The following PKD2 variants were observed in gnomAD, a reference collection of about 807,000 sequenced individuals.
PKD2 encodes the protein polycystin-2.
Under a neutral mutation model 105.9 loss-of-function variants are expected in PKD2, and 48 were observed. That is an observed-to-expected ratio of 0.45 (90% confidence interval 0.36 to 0.58). The LOEUF (loss-of-function observed/expected upper bound fraction) is 0.58. PKD2 is among the 20% of genes least tolerant of loss of function. The probability of loss-of-function intolerance (pLI) is 0.00; values close to 1 mark genes in which losing one functional copy is unlikely to be tolerated. For missense variants in PKD2, 1,078 were observed against 1,255.3 expected (o/e 0.86, Z 2.13); for synonymous variants, 464 against 481.1 (o/e 0.96, Z 0.46).
At chr4:88,026,179 A>G (rs1406617837) in intron 2 of PKD2, among the ~76,000 whole-genome samples, 1 of 152,206 alleles carries the variant, frequency 6.6e-6, no homozygotes, top group Admixed American at 6.5e-5. Context: ...AAAGTTTGGA[A>G]TTTCCTAGAG....
At chr4:88,038,147 A>G (rs931556963) in intron 3 of PKD2, 104 bp from the exon 4 acceptor site, 11 of 1,172,382 alleles carry the variant, frequency 9.4e-6, no homozygotes, top group East Asian at 2.3e-5. Flanking sequence ...TCACTCTACT[A>G]TTTTCATAGA....
intron 2 of PKD2, among the ~76,000 whole-genome samples, chr4:88,027,933 A>G (rs575216726): frequency 1.3e-5 from 2 of 152,222 alleles, no homozygotes; most frequent in East Asian, 1.9e-4. Context: ...CTCCCCAGCC[A>G]TTCAGAACTG....
At chr4:88,022,305 G>T (rs1011368684) in intron 2 of PKD2, among the ~76,000 whole-genome samples, 2 of 152,154 alleles carry the variant, frequency 1.3e-5, no homozygotes, top group East Asian at 3.9e-4. Context: ...CACAGTATCA[G>T]CAGAGTTATT....
intron 2 of PKD2, among the ~76,000 whole-genome samples, chr4:88,030,715 T>C (rs1727116476): frequency 6.6e-6 from 1 of 152,202 alleles, no homozygotes; most frequent in African/African-American, 2.4e-5. Context: ...CGGGCCCACC[T>C]CTTCACACAG....
chr4:88,007,646 G>A lies in PKD2; in HGVS notation c.-88G>A. 1.1e-6 allele frequency: 1 copy of A among 877,736 alleles called. No individual in the cohort carries two copies. Among genetic ancestry groups the A allele is most frequent in the Non-Finnish European group, 1.4e-6 (1 of 715,244 alleles). The allele number at this position is 877,736 out of a possible 1,614,324, so 54.4% of individuals were successfully genotyped here. ...CGGGGGCGGGGAGCAGGCGGCGGCG[G>A]GCGCCGGGAAGAAAGGAACATGGCT... is the stretch of plus-strand genomic sequence containing the variant. On this transcript the variant is annotated 5_prime_UTR_variant, in exon 1 of 15. Transcript: ENST00000237596.
chr4:88,038,134 T>A, intron 3 of PKD2, 117 bp from the exon 4 acceptor site: 1 of 1,085,486 alleles, frequency 9.2e-7, no homozygotes, highest in Non-Finnish European at 1.4e-6. Context: ...AAACTCATTC[T>A]TATCACTCTA....
Position 88,043,465 on chromosome 4 carries a change from C to G in PKD2, c.1319+8C>G. 6.4e-7 allele frequency: 1 copy of G among 1,553,682 alleles called. No homozygotes were observed. The highest frequency in any genetic ancestry group is 1.1e-5 in the South Asian group (1 of 89,920). On this transcript the variant is annotated splice_region_variant and intron_variant, in intron 5 of 14. Coordinates refer to ENST00000237596, the MANE Select transcript of PKD2 (RefSeq NM_000297.4). ...CCTGTTCTGTGTGGTCAGGTGTGTACTGAGGACATGCATCCCTCCTATTTC... is the reference window on the plus strand; with the variant it reads ...CCTGTTCTGTGTGGTCAGGTGTGTAGTGAGGACATGCATCCCTCCTATTTC...
chr4:88,027,911 G>A (rs1239176041), intron 2 of PKD2, among the ~76,000 whole-genome samples: 3 of 152,190 alleles, frequency 2.0e-5, no homozygotes, highest in Non-Finnish European at 4.4e-5. Flanking sequence ...ATGATTGTAA[G>A]TTTCCTGAGG....
Position 88,036,231 on chromosome 4 carries a change from A to T in PKD2, c.721A>T (p.Met241Leu). 1 of 1,613,890 alleles carries T rather than the reference A, an allele frequency of 6.2e-7. No individual in the cohort carries two copies. Among genetic ancestry groups the T allele is most frequent in the Non-Finnish European group, 8.5e-7 (1 of 1,179,784 alleles). The change falls in exon 3 of 15, where the codon ATG (methionine) becomes TTG (leucine). Residue 241 changes from methionine (M) to leucine (L), a missense_variant. Transcript: ENST00000237596. ...TTTCTGTGTTCCAGTGACCTACGGCATGATGAGCTCCAATGTGTACTACTA... is the reference window on the plus strand; with the variant it reads ...TTTCTGTGTTCCAGTGACCTACGGCTTGATGAGCTCCAATGTGTACTACTA... Reference protein sequence around the residue: ...LIVLCILTYGMMSSNVYYYTR... With the variant: ...LIVLCILTYGLMSSNVYYYTR...
chr4:88,075,721 T>G lies in PKD2; in HGVS notation c.*27T>G, dbSNP rs1421750873. ...ATGTGTGTTTCAGTATGTGTGTTTC[T>G]AATAAGTGAGGAAGTGGCTGTCCTG... On this transcript the variant is annotated 3_prime_UTR_variant, in exon 15 of 15. Coordinates refer to ENST00000237596, the MANE Select transcript of PKD2 (RefSeq NM_000297.4). 1 of 1,530,738 alleles carries G rather than the reference T, an allele frequency of 6.5e-7. No homozygotes were observed. Among genetic ancestry groups the G allele is most frequent in the Admixed American group, 1.7e-5 (1 of 59,920 alleles). 94.8% of individuals were successfully genotyped at this position (1,530,738 alleles called of 1,614,324 possible).
At chr4:88,015,343 CTAGGTGA>C (rs1726523151) in intron 1 of PKD2, among the ~76,000 whole-genome samples, 1 of 152,100 alleles carries the variant, frequency 6.6e-6, no homozygotes, top group Non-Finnish European at 1.5e-5. Context: ...ATTGTTGGAT[CTAGGTGA>C]TAGATTTATC....
At chr4:88,012,384 C>T (rs922696755) in intron 1 of PKD2, among the ~76,000 whole-genome samples, 2 of 152,132 alleles carry the variant, frequency 1.3e-5, no homozygotes, top group Non-Finnish European at 1.5e-5. Flanking sequence ...GTGCTATATG[C>T]CAGTAGTGCC....
intron 12 of PKD2, 75 bp from the exon 13 acceptor site, chr4:88,067,822 CT>C: frequency 7.7e-7 from 1 of 1,292,684 alleles, no homozygotes; most frequent in Non-Finnish European, 1.1e-6. Context: ...CCAGTTCCTG[CT>C]TGCCCAAGTC....
At chr4:88,036,708 T>C (rs138409715) in intron 3 of PKD2, among the ~76,000 whole-genome samples, 8 of 152,210 alleles carry the variant, frequency 5.3e-5, no homozygotes, top group African/African-American at 1.7e-4. Context: ...ACAAGAAAAA[T>C]TGATTTTTTT....
At chr4:88,052,213 T>A in intron 7 of PKD2, 55 bp downstream of exon 7, 10 of 1,118,552 alleles carry the variant, frequency 8.9e-6, no homozygotes, top group Non-Finnish European at 1.3e-5. Context: ...TTAAAAAAAA[T>A]GAGTTCCACA....
At position 88,074,873 on chromosome 4, in the gene PKD2, G is replaced by A. The variant is rs1299160056; in HGVS notation, c.2584G>A (p.Ala862Thr). The stretch of plus-strand genomic sequence containing the variant: ...CGGCAGCATAGTGTCCAAGATTGAC[G>A]CCGTGATCGTGAAGCTAGAGATTAT... ...SIGSIVSKIDAVIVKLEIMER... is the reference protein window; with the variant it reads ...SIGSIVSKIDTVIVKLEIMER... The change falls in exon 14 of 15, where the codon GCC becomes ACC. Residue 862 changes from alanine (A) to threonine (T), a missense_variant. Around this residue, in one of 2 missense-constraint regions of PKD2, gnomAD observed 868 missense variants for 1,067.3 expected, o/e 0.81. Transcript: ENST00000237596. The A allele has an allele frequency of 6.2e-6, 10 of 1,613,964 alleles. No homozygotes were observed. Among genetic ancestry groups the A allele is most frequent in the East Asian group, 2.2e-5 (1 of 44,882 alleles).
intron 9 of PKD2, among the ~76,000 whole-genome samples, chr4:88,059,292 C>A (rs887229539): frequency 6.6e-6 from 1 of 152,112 alleles, no homozygotes; most frequent in Non-Finnish European, 1.5e-5. Context: ...TTTAAACTTA[C>A]ACCTCTTAAG....
chr4:88,056,445 T>C (rs1472174849), intron 8 of PKD2, among the ~76,000 whole-genome samples, 178 bp downstream of exon 8: 1 of 152,196 alleles, frequency 6.6e-6, no homozygotes, highest in Admixed American at 6.5e-5. Context: ...AGACAATGCA[T>C]CCTGAAATGC....
intron 9 of PKD2, 104 bp downstream of exon 9, chr4:88,058,207 C>A: frequency 1.3e-6 from 1 of 759,218 alleles, no homozygotes; most frequent in Admixed American, 2.5e-5. Context: ...AATAAAGACC[C>A]AGGAAGTAGA....
Sources: allele counts gnomAD v4.1 joint callset (sites outside exome capture counted in the v4.1 genomes callset), GRCh38; gene constraint gnomAD v4.1.1; regional missense constraint gnomAD v4.1.1; transcripts MANE v1.5; gene names NCBI Gene and HGNC (gene_info 2026-07-23, HGNC 2026-07-21).